The following ITGA8 variants were observed in gnomAD, a reference collection of about 807,000 sequenced individuals.
ITGA8 encodes integrin subunit alpha 8, also known as integrin alpha-8.
A neutral mutation model predicts 142.3 loss-of-function variants in ITGA8; 91 were observed. That is an observed-to-expected ratio of 0.64 (90% CI 0.54 to 0.76). ITGA8 has a LOEUF of 0.76. Ranked by LOEUF, ITGA8 falls within the 30% of genes least tolerant of loss-of-function variation. The probability of loss-of-function intolerance (pLI) is 0.00; values close to 1 mark genes in which losing one functional copy is unlikely to be tolerated. For missense variants in ITGA8, 1,406 were observed against 1,327.7 expected, an observed-to-expected ratio of 1.06 and a Z score of -0.92; for synonymous variants, 505 against 485.2, an observed-to-expected ratio of 1.04 and a Z score of -0.54.
In ITGA8 at chr10:15,519,556, C is replaced by A. The variant is rs1046909425; in HGVS notation, c.2983-144G>T. On this transcript the variant is annotated intron_variant, in intron 28 of 29. Transcript: ENST00000378076. ...CATCTAGGGGATATTTGAGAGGTAG[C>A]ACTCGAACATGAACTCTTAAAAGCT... is the stretch of plus-strand genomic sequence containing the variant. 11 of 860,014 alleles carry A rather than the reference C, an allele frequency of 1.3e-5. No homozygotes were observed. In the Admixed American group the frequency reaches 2.0e-4, roughly 16 times the overall value. 53.3% of individuals were successfully genotyped at this position (860,014 alleles called of 1,614,324 possible).
At chr10:15,715,014 A>T (rs1835425481) in intron 2 of ITGA8, among the ~76,000 whole-genome samples, 1 of 152,204 alleles carries the variant, frequency 6.6e-6, no homozygotes, top group Non-Finnish European at 1.5e-5. Flanking sequence ...TGCAATATAC[A>T]TTTTTATGCC....
intron 11 of ITGA8, among the ~76,000 whole-genome samples, chr10:15,654,937 A>G (rs1447871447): frequency 6.6e-6 from 1 of 152,206 alleles, no homozygotes; most frequent in African/African-American, 2.4e-5. Context: ...AAAAATAACA[A>G]TTTCGTCTTC....
intron 13 of ITGA8, among the ~76,000 whole-genome samples, chr10:15,637,228 G>C (rs144949068): frequency 6.6e-6 from 1 of 152,294 alleles, no homozygotes; most frequent in African/African-American, 2.4e-5. Flanking sequence ...CCACATGACT[G>C]TCAGGTGAAG....
chr10:15,686,998 G>C (rs1245232526), intron 3 of ITGA8, among the ~76,000 whole-genome samples: 1 of 152,054 alleles, frequency 6.6e-6, no homozygotes, highest in East Asian at 1.9e-4. Context: ...ATTCCCATAA[G>C]GCATATACCA....
At position 15,606,344 on chromosome 10, in the gene ITGA8, C is replaced by T. The variant is rs1833196049; in HGVS notation, c.1843G>A (p.Glu615Lys). ...AATATTGGTTTCACTTCCAGGCCTTCTTTAAAGGTGGATTCGTCCAAACTG... is the reference window on the plus strand; with the variant it reads ...AATATTGGTTTCACTTCCAGGCCTTTTTTAAAGGTGGATTCGTCCAAACTG... The part of the protein sequence containing the change: ...NYSLDESTFK[E>K]GLEVKPILNY... Residue 615 changes from glutamate to lysine, a missense_variant, in exon 18 of 30, where the codon GAA (glutamate) becomes AAA (lysine). Transcript: ENST00000378076. The T allele has an allele frequency of 6.2e-7, 1 of 1,612,362 alleles. No individual in the cohort carries two copies. Among genetic ancestry groups the T allele is most frequent in the African/African-American group, 1.3e-5 (1 of 75,018 alleles).
intron 3 of ITGA8, among the ~76,000 whole-genome samples, chr10:15,685,789 T>C (rs190110507): frequency 2.2e-4 from 34 of 152,288 alleles, no homozygotes; most frequent in African/African-American, 7.9e-4. Flanking sequence ...CAAAAATAAA[T>C]TGAAACAACA....
At chr10:15,673,580 C>G (rs1008815842) in intron 6 of ITGA8, among the ~76,000 whole-genome samples, 16 of 152,136 alleles carry the variant, frequency 1.1e-4, no homozygotes, top group Non-Finnish European at 2.1e-4. Flanking sequence ...ACATTTTGTG[C>G]TCTTGCAAAG....
At position 15,718,879 on chromosome 10, in the gene ITGA8, GC is replaced by G. The variant is rs1355059171; in HGVS notation, c.229del (p.Ala77ArgfsTer64). 6.2e-7 allele frequency: 1 copy of G among 1,613,998 alleles called. No individual in the cohort carries two copies. The highest frequency in any genetic ancestry group is 1.1e-5 in the South Asian group (1 of 91,062). ...GGGCTGGCTGGTGTTGGCTTTGGGC[GC>G]CCCCACCAAGACACTCGCTCTGCAA... The part of the protein sequence containing the change: ...DARTASVLVG[A>X]PKANTSQPDI... On this transcript the variant is annotated frameshift_variant, in exon 2 of 30. Coordinates refer to ENST00000378076, the MANE Select transcript of ITGA8 (RefSeq NM_003638.3). LOFTEE classifies it high-confidence loss of function.
intron 25 of ITGA8, among the ~76,000 whole-genome samples, chr10:15,562,204 T>C (rs1299933920): frequency 6.6e-6 from 1 of 152,146 alleles, no homozygotes; most frequent in East Asian, 1.9e-4. Context: ...TCATTCCTAA[T>C]AGTAATGATA....
Position 15,687,839 on chromosome 10 carries a change from T to C in ITGA8, c.444+99A>G, listed in dbSNP as rs556572200. ...CAGCCTTATCGTTGAAAGTCTAACA[T>C]GTTCCTTTAGGAAAGAGCTTTCCTA... On this transcript the variant is annotated intron_variant, in intron 3 of 29. Transcript: ENST00000378076. 110 of 737,930 alleles carry C rather than the reference T, an allele frequency of 1.5e-4. No homozygotes were observed. The African/African-American group carries it at 1.6e-3, about 11-fold the overall frequency. The allele number at this position is 737,930 out of a possible 1,614,324, so 45.7% of individuals were successfully genotyped here.
chr10:15,592,524 T>G (rs192053809), intron 21 of ITGA8, among the ~76,000 whole-genome samples: 24 of 152,352 alleles, frequency 1.6e-4, no homozygotes, highest in Admixed American at 4.6e-4. Flanking sequence ...CATTTAGTCC[T>G]ATACTGCCTC....
At chr10:15,612,878 C>T (rs1402983059) in intron 15 of ITGA8, among the ~76,000 whole-genome samples, 1 of 152,114 alleles carries the variant, frequency 6.6e-6, no homozygotes, top group East Asian at 1.9e-4. Flanking sequence ...AATGGGACAT[C>T]GGCTGGGCAT....
At chr10:15,692,621 G>A (rs938341055) in intron 2 of ITGA8, among the ~76,000 whole-genome samples, 22 of 152,178 alleles carry the variant, frequency 1.4e-4, no homozygotes, top group Non-Finnish European at 3.1e-4. Context: ...GGACTCCAAA[G>A]TCTTGGTTTT....
chr10:15,681,184 GCTT>G (rs993264941), intron 4 of ITGA8, among the ~76,000 whole-genome samples: 4 of 152,138 alleles, frequency 2.6e-5, no homozygotes, highest in African/African-American at 9.7e-5. Context: ...AACATGAGGA[GCTT>G]CTTTAAATTC....
chr10:15,570,552 G>A (rs548375869), intron 25 of ITGA8, among the ~76,000 whole-genome samples: 48 of 147,900 alleles, frequency 3.2e-4, no homozygotes, highest in South Asian at 1.3e-3. Flanking sequence ...GGAGGTTGCA[G>A]TGAGCCGAGA....
chr10:15,681,013 G>T (rs1158052651), intron 4 of ITGA8, among the ~76,000 whole-genome samples: 1 of 152,056 alleles, frequency 6.6e-6, no homozygotes, highest in African/African-American at 2.4e-5. Context: ...TGGATAATTT[G>T]CTACTATTTG....
chr10:15,682,068 T>C (rs1022443359), intron 4 of ITGA8, among the ~76,000 whole-genome samples: 1 of 152,186 alleles, frequency 6.6e-6, no homozygotes, highest in Non-Finnish European at 1.5e-5. Context: ...CTCTCTTCTC[T>C]CCTCCAATAA....
intron 20 of ITGA8, 63 bp from the exon 21 acceptor site, chr10:15,597,362 A>T: frequency 7.4e-7 from 1 of 1,358,852 alleles, no homozygotes; most frequent in South Asian, 1.2e-5. Context: ...CACAAAAGCC[A>T]TGCTGGGGGC....
chr10:15,564,124 A>T (rs868043196), intron 25 of ITGA8, among the ~76,000 whole-genome samples: 5 of 152,332 alleles, frequency 3.3e-5, no homozygotes, highest in Middle Eastern at 3.4e-3. Flanking sequence ...GGGTTGATGG[A>T]ACACATCTCT....
Sources: allele counts gnomAD v4.1 joint callset (sites outside exome capture counted in the v4.1 genomes callset), GRCh38; gene constraint gnomAD v4.1.1; transcripts MANE v1.5; gene names NCBI Gene and HGNC (gene_info 2026-07-23, HGNC 2026-07-21).